LTF: variants seen among roughly 807,000 people sequenced by gnomAD.
The protein encoded by LTF is epididymis luminal protein 110.
In LTF, 91 loss-of-function variants were observed where a neutral mutation model predicts 87.2. The ratio of observed to expected loss-of-function variants is 1.04; its 90% CI spans 0.88 to 1.24. The LOEUF is 1.24. Among genes scored for constraint, LTF ranks in the 50% most tolerant of loss-of-function variants. The pLI, the probability that LTF is intolerant of heterozygous loss-of-function variation, is 0.00. For missense variants in LTF, 901 were observed against 904.3 expected (o/e 1.00, Z 0.05); for synonymous variants, 378 against 356.1 (o/e 1.06, Z -0.69).
chr3:46,478,370 C>A (rs916552646), intron 1 of LTF, among the ~76,000 whole-genome samples: 1 of 152,204 alleles, frequency 6.6e-6, no homozygotes, highest in Non-Finnish European at 1.5e-5. Flanking sequence ...TTTCCCAGAA[C>A]CCATGTGGCC....
intron 8 of LTF, among the ~76,000 whole-genome samples, 166 bp from the exon 9 acceptor site, chr3:46,449,183 C>G (rs1349265691): frequency 6.6e-6 from 1 of 152,206 alleles, no homozygotes; most frequent in Non-Finnish European, 1.5e-5. Context: ...CAGCTCCAAG[C>G]CCCTTCTTCA....
chr3:46,452,352 A>T (rs1287663952), intron 6 of LTF, among the ~76,000 whole-genome samples: 1 of 152,216 alleles, frequency 6.6e-6, no homozygotes, highest in Non-Finnish European at 1.5e-5. Context: ...TATCAAAGAA[A>T]CTAAAAAGAG....
intron 1 of LTF, among the ~76,000 whole-genome samples, chr3:46,482,592 AG>A (rs71619649): frequency 0.034 from 4,716 of 136,892 alleles, 1,274 homozygotes; most frequent in East Asian, 0.059. Flanking sequence ...AGGGAGAAAG[AG>A]AGAGAAAGAA....
At chr3:46,468,263 A>G (rs1380150844), upstream of LTF, 2 of 456,766 alleles carry the variant, frequency 4.4e-6, no homozygotes, top group Admixed American at 4.7e-5. Context: ...CATTCATTCA[A>G]CACTGGTCTA....
In LTF at chr3:46,450,712, C is replaced by G. The variant is rs376017833; in HGVS notation, c.704-39G>C. 301 of 1,560,224 alleles carry G rather than the reference C, an allele frequency of 1.9e-4. 1 individual carries two copies. The African/African-American group carries it at 3.6e-3, about 19-fold the overall frequency. On this transcript the variant is annotated intron_variant, in intron 6 of 16. Coordinates refer to ENST00000231751, the MANE Select transcript of LTF (RefSeq NM_002343.6). ...GAGGTGGGAGGGAGTCTAGATAAGC[C>G]GACTCCAGCAGTAACCTCGAGCTAT...
upstream of LTF, among the ~76,000 whole-genome samples, chr3:46,467,286 T>C (rs1432021558): frequency 6.6e-6 from 1 of 152,166 alleles, no homozygotes; most frequent in Non-Finnish European, 1.5e-5. Flanking sequence ...AAGAGGGGTC[T>C]GTCCTTGCCC....
intron 13 of LTF, among the ~76,000 whole-genome samples, chr3:46,442,762 C>T (rs1411100855): frequency 1.3e-5 from 2 of 152,088 alleles, no homozygotes; most frequent in Non-Finnish European, 2.9e-5. Flanking sequence ...CACATGACGC[C>T]ATCTGGTCGT....
At chr3:46,461,835 CA>C (rs998882633) in intron 1 of LTF, among the ~76,000 whole-genome samples, 6 of 152,172 alleles carry the variant, frequency 3.9e-5, no homozygotes, top group South Asian at 2.1e-4. Flanking sequence ...AACAAACAAA[CA>C]AAAAAACAAA....
intron 5 of LTF, 74 bp from the exon 6 acceptor site, chr3:46,454,434 G>A (rs1403557806): frequency 1.6e-6 from 2 of 1,236,972 alleles, no homozygotes; most frequent in African/African-American, 3.0e-5. Flanking sequence ...CAGTAGCCCT[G>A]GCACTCAGCA....
chr3:46,436,614 T>C (rs1702392491), intron 16 of LTF, among the ~76,000 whole-genome samples: 3 of 152,238 alleles, frequency 2.0e-5, no homozygotes, highest in Admixed American at 6.5e-5. Context: ...AGATCCTTAC[T>C]GAGCACCTGC....
At chr3:46,482,025 A>G (rs1703436477) in intron 1 of LTF, among the ~76,000 whole-genome samples, 1 of 152,248 alleles carries the variant, frequency 6.6e-6, no homozygotes, top group Non-Finnish European at 1.5e-5. Context: ...TCACCCATTC[A>G]TCAATGACAT....
rs200849308 is a variant in LTF at position 46,443,542 on chromosome 3, C to T, written c.1554G>A (p.Pro518=). ...TACACAGAGCACAGAGATTAGATCT[C>T]GGGTCAGACCCAGGGGCACAGCTTT... ...FSQSCAPGSD[P]RSNLCALCIG... Residue 518 remains proline, a synonymous_variant, in exon 13 of 17, where the codon CCG becomes CCA. Coordinates refer to ENST00000231751, the MANE Select transcript of LTF (RefSeq NM_002343.6). 6.2e-6 allele frequency: 10 copies of T among 1,614,032 alleles called. No individual in the cohort carries two copies. The African/African-American group carries it at 6.7e-5, about 11-fold the overall frequency.
At chr3:46,456,104 G>A in intron 3 of LTF, 126 bp from the exon 4 acceptor site, 1 of 1,004,702 alleles carries the variant, frequency 1.0e-6, no homozygotes, top group Non-Finnish European at 1.4e-6. Flanking sequence ...GCTCACGTGT[G>A]TCCTCCTCTC....
chr3:46,481,825 C>T (rs1336450158), intron 1 of LTF, among the ~76,000 whole-genome samples: 1 of 152,218 alleles, frequency 6.6e-6, no homozygotes, highest in African/African-American at 2.4e-5. Context: ...AACCATTTGG[C>T]AGCATCAGTT....
At chr3:46,463,235 C>T (rs554995943) in intron 1 of LTF, among the ~76,000 whole-genome samples, 3 of 152,346 alleles carry the variant, frequency 2.0e-5, no homozygotes, top group East Asian at 3.9e-4. Flanking sequence ...ACATTCTGGG[C>T]AGACATGCAG....
Position 46,435,936 on chromosome 3 carries a change from A to G in LTF, c.*259T>C, listed in dbSNP as rs1702375272. On this transcript the variant is annotated 3_prime_UTR_variant, in exon 17 of 17. Coordinates refer to ENST00000231751, the MANE Select transcript of LTF (RefSeq NM_002343.6). ...CTGAAAAACTTGGAAGGGAAGGTCC[A>G]ACTGTACAGGTATTTTGTCAGGCAT... 2.0e-6 allele frequency: 1 copy of G among 509,342 alleles called. No individual in the cohort carries two copies. The highest frequency in any genetic ancestry group is 3.5e-6 in the Non-Finnish European group (1 of 284,246). 31.6% of individuals were successfully genotyped at this position (509,342 alleles called of 1,614,324 possible).
chr3:46,457,084 G>T (rs182011943), intron 2 of LTF, among the ~76,000 whole-genome samples: 1 of 152,224 alleles, frequency 6.6e-6, no homozygotes. Flanking sequence ...TCTGACAGGA[G>T]GTGGAGCTCA....
At position 46,473,490 on chromosome 3, in the gene LTF, G is replaced by A. The variant is rs972088584; in HGVS notation, c.-319-3024C>T. 2.0e-5 allele frequency among the ~76,000 whole-genome samples: 3 copies of A among 152,322 alleles called. No homozygotes were observed. The East Asian group carries it at 5.8e-4, about 29-fold the overall frequency. ...AATGCTAAAGATTATAGATGTAGTG[G>A]TTTAACCAGCACAAATGTATTATCT... On this transcript the variant is annotated intron_variant, in intron 1 of 19. Coordinates refer to the LTF transcript ENST00000443496.
upstream of LTF, among the ~76,000 whole-genome samples, chr3:46,467,707 G>A (rs556944761): frequency 6.8e-6 from 1 of 146,468 alleles, no homozygotes; most frequent in East Asian, 2.0e-4. Flanking sequence ...GTATGCAGTG[G>A]TGGTGCAATC....
Sources: gnomAD v4.1 joint callset for allele counts (sites outside exome capture counted in the v4.1 genomes callset) on GRCh38, gnomAD v4.1.1 for gene constraint, MANE v1.5 for transcripts, NCBI Gene and HGNC (gene_info 2026-07-23, HGNC 2026-07-21) for gene names.